MECOM: variants seen among roughly 807,000 people sequenced by gnomAD.
MECOM encodes the protein MDS1 and EVI1 complex locus.
In MECOM, 13 loss-of-function variants were observed where a neutral mutation model predicts 116.3. The observed-to-expected ratio is 0.11, with a 90% CI of 0.07 to 0.18. MECOM has a LOEUF of 0.18. MECOM is among the 10% of genes least tolerant of loss of function. MECOM has a pLI of 1.00. For missense variants in MECOM, 1,299 were observed against 1,509.0 expected (o/e 0.86, Z 2.31); for synonymous variants, 528 against 535.2 (o/e 0.99, Z 0.19).
chr3:169,450,582 GA>G (rs10711289), intron 1 of MECOM, among the ~76,000 whole-genome samples: 83,741 of 146,160 alleles, frequency 0.57, 23,786 homozygotes, highest in East Asian at 0.85. Flanking sequence ...AGGACAAAAC[GA>G]AAAAAAAAAA....
intron 2 of MECOM, among the ~76,000 whole-genome samples, chr3:169,347,252 A>T (rs1247539993): frequency 1.3e-5 from 2 of 152,096 alleles, no homozygotes; most frequent in African/African-American, 4.8e-5. Context: ...CAGTTAGTGG[A>T]TGGAGACAGG....
intron 1 of MECOM, among the ~76,000 whole-genome samples, chr3:169,557,086 C>T (rs73174353): frequency 0.011 from 1,606 of 152,138 alleles, 25 homozygotes; most frequent in Non-Finnish European, 0.015. Context: ...GCTCTCAGGC[C>T]GGAAATGCTG....
intron 3 of MECOM, among the ~76,000 whole-genome samples, chr3:169,132,958 T>C (rs1406383170): frequency 6.6e-6 from 1 of 151,956 alleles, no homozygotes; most frequent in Non-Finnish European, 1.5e-5. Context: ...TTCACTGTGT[T>C]ACTCTGGCTG....
intron 2 of MECOM, among the ~76,000 whole-genome samples, chr3:169,299,085 A>G (rs982246909): frequency 2.0e-5 from 3 of 152,166 alleles, no homozygotes; most frequent in Non-Finnish European, 4.4e-5. Flanking sequence ...AGTTAAAGGG[A>G]AAATTGCTGT....
chr3:169,549,049 C>G (rs1761064042), intron 1 of MECOM, among the ~76,000 whole-genome samples: 1 of 149,494 alleles, frequency 6.7e-6, no homozygotes, highest in Non-Finnish European at 1.5e-5. Flanking sequence ...TCTCAGCTCA[C>G]TGCAACCTCC....
At position 169,115,666 on chromosome 3, in the gene MECOM, C is replaced by T; in HGVS notation, c.2206G>A (p.Gly736Ser). 6.2e-7 allele frequency: 1 copy of T among 1,614,100 alleles called. No individual in the cohort carries two copies. The highest frequency in any genetic ancestry group is 8.5e-7 in the Non-Finnish European group (1 of 1,180,018). ...SPGEVKKLQK[G>S]SSESPFDLTT... The stretch of plus-strand genomic sequence containing the variant: ...AGATCAAAGGGGGACTCAGAGCTGC[C>T]CTTCTGCAGTTTCTTTACTTCACCT... Residue 736 changes from glycine (G) to serine (S), a missense_variant, in exon 8 of 17, where the codon GGC becomes AGC. Physicochemically the swap from Gly to Ser is moderately conservative, Grantham distance 56. Transcript: ENST00000651503.
intron 2 of MECOM, among the ~76,000 whole-genome samples, chr3:169,297,997 G>A (rs1209991286): frequency 6.6e-6 from 1 of 152,148 alleles, no homozygotes; most frequent in Non-Finnish European, 1.5e-5. Context: ...CACTCCTTTT[G>A]TGGGAACATC....
chr3:169,306,126 G>A (rs1717654872), intron 2 of MECOM, among the ~76,000 whole-genome samples: 1 of 151,994 alleles, frequency 6.6e-6, no homozygotes, highest in African/African-American at 2.4e-5. Flanking sequence ...TGACACTCAT[G>A]CACAGGTGTT....
At chr3:169,251,100 A>G (rs1233955424) in intron 2 of MECOM, among the ~76,000 whole-genome samples, 1 of 152,220 alleles carries the variant, frequency 6.6e-6, no homozygotes, top group African/African-American at 2.4e-5. Flanking sequence ...AAGCCTCAGG[A>G]GAAGTTAGCA....
intron 1 of MECOM, among the ~76,000 whole-genome samples, chr3:169,572,475 GCAATCC>G (rs1764021736): frequency 6.6e-6 from 1 of 152,186 alleles, no homozygotes; most frequent in Non-Finnish European, 1.5e-5. Flanking sequence ...ATTTGACCCA[GCAATCC>G]CATTGCTGGG....
chr3:169,483,139 G>A (rs61023593), intron 1 of MECOM, among the ~76,000 whole-genome samples: 10,758 of 151,260 alleles, frequency 0.071, 657 homozygotes, highest in East Asian at 0.25. Context: ...ACACAGTCCT[G>A]CAGACCAATT....
intron 2 of MECOM, among the ~76,000 whole-genome samples, chr3:169,311,111 G>A (rs554322927): frequency 2.6e-5 from 4 of 152,172 alleles, no homozygotes; most frequent in African/African-American, 4.8e-5. Flanking sequence ...CTTAAAAAAG[G>A]TCACAGTATT....
At chr3:169,221,051 T>TA (rs1752072820) in intron 2 of MECOM, among the ~76,000 whole-genome samples, 1 of 152,238 alleles carries the variant, frequency 6.6e-6, no homozygotes, top group Non-Finnish European at 1.5e-5. Flanking sequence ...TGTTTGGATT[T>TA]AAAATCCATC....
At chr3:169,338,487 A>G (rs1371794089) in intron 2 of MECOM, among the ~76,000 whole-genome samples, 1 of 152,148 alleles carries the variant, frequency 6.6e-6, no homozygotes, top group Admixed American at 6.6e-5. Context: ...CTGAATTGAA[A>G]TGGTGTGAAC....
chr3:169,486,579 G>A (rs914489776), intron 1 of MECOM, among the ~76,000 whole-genome samples: 1 of 151,912 alleles, frequency 6.6e-6, no homozygotes, highest in African/African-American at 2.4e-5. Flanking sequence ...AAGATCTATT[G>A]AAAATATATT....
chr3:169,242,762 T>A (rs1755046221), intron 2 of MECOM, among the ~76,000 whole-genome samples: 1 of 152,168 alleles, frequency 6.6e-6, no homozygotes, highest in African/African-American at 2.4e-5. Flanking sequence ...GTAGGTTATC[T>A]TTTCCTTGTG....
chr3:169,382,401 G>C (rs1239092667), intron 1 of MECOM, among the ~76,000 whole-genome samples: 1 of 152,116 alleles, frequency 6.6e-6, no homozygotes, highest in Non-Finnish European at 1.5e-5. Flanking sequence ...TTACGACACT[G>C]AGCACGGAGG....
At chr3:169,468,323 A>T (rs1261373071) in intron 1 of MECOM, among the ~76,000 whole-genome samples, 1 of 152,124 alleles carries the variant, frequency 6.6e-6, no homozygotes, top group Non-Finnish European at 1.5e-5. Flanking sequence ...TTCATACAAG[A>T]TCTGCTCCAC....
chr3:169,203,125 G>T (rs1349267249), intron 2 of MECOM, among the ~76,000 whole-genome samples: 1 of 152,150 alleles, frequency 6.6e-6, no homozygotes, highest in South Asian at 2.1e-4. Context: ...TATGAACTTC[G>T]TTGGCGCCAT....
Sources: allele counts gnomAD v4.1 joint callset (sites outside exome capture counted in the v4.1 genomes callset), GRCh38; gene constraint gnomAD v4.1.1; transcripts MANE v1.5; gene names NCBI Gene and HGNC (gene_info 2026-07-23, HGNC 2026-07-21).